PDLIM1: variants seen among roughly 807,000 people sequenced by gnomAD.
The protein encoded by PDLIM1 is PDZ and LIM domain 1.
PDLIM1 carries 25 observed loss-of-function variants against 35.2 expected under a neutral mutation model. That is an observed-to-expected ratio of 0.71 (90% CI 0.52 to 0.99). PDLIM1 has a LOEUF of 0.99. PDLIM1 is among the 50% of genes least tolerant of loss of function. The probability of loss-of-function intolerance (pLI) is 0.00; values close to 1 mark genes in which losing one functional copy is unlikely to be tolerated. For missense variants in PDLIM1, 363 were observed against 415.3 expected (o/e 0.87, Z 1.09); for synonymous variants, 152 against 154.0 (o/e 0.99, Z 0.10).
intron 4 of PDLIM1, 146 bp downstream of exon 4, chr10:95,263,718 G>GGTGGTCGCCGTATCATT: frequency 3.4e-6 from 2 of 586,666 alleles, no homozygotes; most frequent in South Asian, 2.3e-5. Flanking sequence ...TTGTGTAGAT[G>GGTGGTCGCCGTATCATT]AAGAAAATGA....
intron 1 of PDLIM1, among the ~76,000 whole-genome samples, chr10:95,285,380 C>T (rs1290804286): frequency 6.6e-6 from 1 of 152,162 alleles, no homozygotes; most frequent in Non-Finnish European, 1.5e-5. Context: ...GCCTGCACCA[C>T]CCTTAGCACT....
chr10:95,270,877 A>C (rs1244974396), intron 2 of PDLIM1, among the ~76,000 whole-genome samples: 1 of 151,826 alleles, frequency 6.6e-6, no homozygotes, highest in Non-Finnish European at 1.5e-5. Flanking sequence ...CGGCCTCCCG[A>C]GTAGCTGGAA....
chr10:95,273,446 C>T (rs1465582071), intron 1 of PDLIM1: 1 of 152,150 alleles, frequency 6.6e-6, no homozygotes, highest in East Asian at 1.9e-4. Context: ...AGTGTGGTGC[C>T]GCTATTATGG....
intron 4 of PDLIM1, among the ~76,000 whole-genome samples, chr10:95,261,826 T>C (rs1036491501): frequency 2.6e-5 from 4 of 152,044 alleles, no homozygotes; most frequent in Non-Finnish European, 5.9e-5. Context: ...CTGATCAACA[T>C]GGAGAAACCC....
At chr10:95,264,365 T>C (rs2133426803) in intron 3 of PDLIM1, among the ~76,000 whole-genome samples, 1 of 152,350 alleles carries the variant, frequency 6.6e-6, no homozygotes, top group African/African-American at 2.4e-5. Flanking sequence ...CAGCCCTTGA[T>C]GCTTTGGGCT....
intron 1 of PDLIM1, among the ~76,000 whole-genome samples, chr10:95,281,317 G>GC (rs1265746864): frequency 7.9e-5 from 12 of 151,172 alleles, no homozygotes; most frequent in Non-Finnish European, 8.8e-5. Context: ...GATGGCTCAT[G>GC]CCTATAATCC....
At chr10:95,279,108 G>T (rs45620737) in intron 1 of PDLIM1, among the ~76,000 whole-genome samples, 1 of 151,872 alleles carries the variant, frequency 6.6e-6, no homozygotes, top group Non-Finnish European at 1.5e-5. Context: ...CCCTAGATTC[G>T]CAGCTTCTTT....
At chr10:95,268,070 T>G (rs1422502031) in intron 3 of PDLIM1, among the ~76,000 whole-genome samples, 2 of 152,186 alleles carry the variant, frequency 1.3e-5, no homozygotes, top group African/African-American at 4.8e-5. Flanking sequence ...CCTTGTAGAT[T>G]ATTTAGAAGA....
At chr10:95,282,596 G>A (rs1012014340) in intron 1 of PDLIM1, among the ~76,000 whole-genome samples, 3 of 152,176 alleles carry the variant, frequency 2.0e-5, no homozygotes, top group African/African-American at 4.8e-5. Context: ...TTCTCAGACA[G>A]GAATATAATA....
intron 5 of PDLIM1, 134 bp from the exon 6 acceptor site, chr10:95,238,819 T>G: frequency 1.7e-6 from 1 of 605,712 alleles, no homozygotes; most frequent in Admixed American, 2.7e-5. Flanking sequence ...TCTGTGATCC[T>G]GGGCAAGTAA....
chr10:95,254,639 A>G (rs2035295096), intron 4 of PDLIM1, among the ~76,000 whole-genome samples: 1 of 152,224 alleles, frequency 6.6e-6, no homozygotes, highest in Non-Finnish European at 1.5e-5. Context: ...CTATCATGCC[A>G]GGCACGGTGG....
intron 1 of PDLIM1, among the ~76,000 whole-genome samples, chr10:95,283,981 C>CTCTCTGTGTG (rs143926521): frequency 0.015 from 2,277 of 150,250 alleles, 73 homozygotes; most frequent in African/African-American, 0.053. Flanking sequence ...GCCTTTTTCT[C>CTCTCTGTGTG]TGTGTGTGTG....
At chr10:95,256,815 C>T (rs552423199) in intron 4 of PDLIM1, among the ~76,000 whole-genome samples, 1 of 150,680 alleles carries the variant, frequency 6.6e-6, no homozygotes, top group South Asian at 2.1e-4. Context: ...CTACCAAAAA[C>T]TACAAAAAAA....
At chr10:95,280,025 A>G (rs2035546905) in intron 1 of PDLIM1, among the ~76,000 whole-genome samples, 1 of 152,236 alleles carries the variant, frequency 6.6e-6, no homozygotes, top group Non-Finnish European at 1.5e-5. Flanking sequence ...ACAGAATTTA[A>G]CAAAAATGAG....
intron 3 of PDLIM1, among the ~76,000 whole-genome samples, chr10:95,264,512 A>G (rs1017805003): frequency 3.3e-5 from 5 of 152,244 alleles, no homozygotes; most frequent in African/African-American, 1.2e-4. Flanking sequence ...TAAATTCTCC[A>G]TAAGTGAGCA....
intron 3 of PDLIM1, among the ~76,000 whole-genome samples, chr10:95,267,182 C>T (rs1317118750): frequency 1.3e-5 from 2 of 151,970 alleles, no homozygotes; most frequent in Admixed American, 6.6e-5. Flanking sequence ...AGAGAACTAC[C>T]TTCAAAAGAT....
intron 1 of PDLIM1, among the ~76,000 whole-genome samples, chr10:95,283,687 T>C (rs899240523): frequency 7.9e-5 from 12 of 152,216 alleles, no homozygotes; most frequent in African/African-American, 2.9e-4. Context: ...TTTTAAACAA[T>C]TACGCGGGCT....
intron 1 of PDLIM1, among the ~76,000 whole-genome samples, chr10:95,289,600 G>GC (rs1292695903): frequency 6.6e-6 from 1 of 152,206 alleles, no homozygotes; most frequent in African/African-American, 2.4e-5. Flanking sequence ...TTCTTCTCCT[G>GC]CACCTCCCAC....
chr10:95,272,593 G>A (rs2035475302), intron 1 of PDLIM1, among the ~76,000 whole-genome samples: 1 of 152,104 alleles, frequency 6.6e-6, no homozygotes, highest in Non-Finnish European at 1.5e-5. Flanking sequence ...GAACCCAGAA[G>A]GTGGAGGTTG....
Sources: allele counts gnomAD v4.1 joint callset (sites outside exome capture counted in the v4.1 genomes callset), GRCh38; gene constraint gnomAD v4.1.1; transcripts MANE v1.5; gene names NCBI Gene and HGNC (gene_info 2026-07-23, HGNC 2026-07-21).